The following ARFGEF3 variants were observed in gnomAD, a reference collection of about 807,000 sequenced individuals.
ARFGEF3 encodes brefeldin A-inhibited guanine nucleotide-exchange protein 3.
In ARFGEF3, 96 loss-of-function variants were observed where a neutral mutation model predicts 221.7. The ratio of observed to expected loss-of-function variants is 0.43; its 90% CI spans 0.37 to 0.51. The LOEUF is 0.51. Ranked by LOEUF, ARFGEF3 falls within the 20% of genes least tolerant of loss-of-function variation. The probability of loss-of-function intolerance (pLI) is 0.00; values close to 1 mark genes in which losing one functional copy is unlikely to be tolerated. For synonymous variants in ARFGEF3, 1,145 were observed against 1,126.8 expected (o/e 1.02, Z -0.32); for missense variants, 2,410 against 2,789.9 (o/e 0.86, Z 3.07).
At chr6:138,184,624 G>A (rs902087508) in intron 2 of ARFGEF3, among the ~76,000 whole-genome samples, 2 of 152,212 alleles carry the variant, frequency 1.3e-5, no homozygotes, top group African/African-American at 4.8e-5. Flanking sequence ...AAATCTGCCT[G>A]AGCAGGCAAG....
In ARFGEF3 at chr6:138,308,830, C is replaced by G. The variant is rs768705442; in HGVS notation, c.4065C>G (p.Ile1355Met). ...QVFANAATSY[I>M]MCLMKFVKGL... ...TTGCTAATGCAGCCACTAGCTACAT[C>G]ATGTGCCTTATGAAGTTTGTCAAAG... The change falls in exon 24 of 34, where the codon ATC (isoleucine) becomes ATG (methionine). Residue 1355 changes from isoleucine to methionine, a missense_variant. This residue lies in a region of ARFGEF3 where 723 missense variants were observed against 991.9 expected (regional missense o/e 0.73). Transcript: ENST00000251691. 4 of 1,614,062 alleles carry G rather than the reference C, an allele frequency of 2.5e-6. No homozygotes were observed. The highest frequency in any genetic ancestry group is 3.4e-6 in the Non-Finnish European group (4 of 1,179,898).
At chr6:138,276,053 G>A (rs1481592229) in intron 12 of ARFGEF3, among the ~76,000 whole-genome samples, 1 of 152,184 alleles carries the variant, frequency 6.6e-6, no homozygotes, top group Non-Finnish European at 1.5e-5. Flanking sequence ...GTATTTGCAG[G>A]AACAAATGGC....
At chr6:138,323,399 G>T (rs1412932961) in intron 29 of ARFGEF3, among the ~76,000 whole-genome samples, 2 of 152,064 alleles carry the variant, frequency 1.3e-5, no homozygotes, top group South Asian at 4.1e-4. Flanking sequence ...ATCACCTGAG[G>T]ATGGGAGTTC....
intron 7 of ARFGEF3, among the ~76,000 whole-genome samples, chr6:138,244,766 C>T (rs1255979196): frequency 1.3e-5 from 2 of 152,176 alleles, no homozygotes; most frequent in East Asian, 1.9e-4. Flanking sequence ...CCCATCTTTT[C>T]CCATGCTACC....
At chr6:138,231,469 T>G (rs535723835) in intron 5 of ARFGEF3, among the ~76,000 whole-genome samples, 1 of 152,300 alleles carries the variant, frequency 6.6e-6, no homozygotes, top group Non-Finnish European at 1.5e-5. Flanking sequence ...TGTCCCAGCC[T>G]CATGTTTGCT....
chr6:138,336,281 A>ATCTT lies in ARFGEF3; in HGVS notation c.6343-12_6343-9dup, dbSNP rs533508296. On this transcript the variant is annotated splice_polypyrimidine_tract_variant and intron_variant, in intron 33 of 33. Coordinates refer to ENST00000251691, the MANE Select transcript of ARFGEF3 (RefSeq NM_020340.5). Reference sequence around the variant, plus strand: ...GGGGGAAAGCCACTGATTTTCTTAAATCTTTTCTCTTAGGCATGGACCAAC... The same window carrying ATCTT: ...GGGGGAAAGCCACTGATTTTCTTAAATCTTTCTTTTCTCTTAGGCATGGACCAAC... 4.7e-6 allele frequency: 7 copies of ATCTT among 1,494,568 alleles called. No homozygotes were observed. In the South Asian group the frequency reaches 8.2e-5, roughly 17 times the overall value. The allele number at this position is 1,494,568 out of a possible 1,614,324, so 92.6% of individuals were successfully genotyped here.
At chr6:138,266,988 CG>C (rs1778907994) in intron 12 of ARFGEF3, among the ~76,000 whole-genome samples, 1 of 152,082 alleles carries the variant, frequency 6.6e-6, no homozygotes, top group Non-Finnish European at 1.5e-5. Context: ...CATATGGAGA[CG>C]TTTGGCAGCC....
chr6:138,262,726 T>C lies in ARFGEF3; in HGVS notation c.1243T>C (p.Cys415Arg), dbSNP rs1301163382. 1.2e-6 allele frequency: 2 copies of C among 1,605,790 alleles called. No individual in the cohort carries two copies. Among genetic ancestry groups the C allele is most frequent in the Non-Finnish European group, 1.7e-6 (2 of 1,173,190 alleles). ...CATCATGGATGGCATGACCGAAGCA[T>C]GCATCAAGGGTGGCATCGAAGCTTG... is the stretch of plus-strand genomic sequence containing the variant. The part of the protein sequence containing the change: ...KLIMDGMTEA[C>R]IKGGIEACYA... Residue 415 changes from cysteine (C) to arginine (R), a missense_variant, in exon 12 of 34, where the codon TGC (cysteine) becomes CGC (arginine). Transcript: ENST00000251691.
At chr6:138,270,138 T>C (rs1292987551) in intron 12 of ARFGEF3, among the ~76,000 whole-genome samples, 2 of 152,100 alleles carry the variant, frequency 1.3e-5, no homozygotes, top group Non-Finnish European at 2.9e-5. Context: ...AACCTCAAGT[T>C]CACTGACCCC....
At chr6:138,327,267 AAAAG>A (rs1260757895) in intron 31 of ARFGEF3, among the ~76,000 whole-genome samples, 3 of 152,108 alleles carry the variant, frequency 2.0e-5, no homozygotes, top group African/African-American at 4.8e-5. Context: ...TAAAACTTGA[AAAAG>A]AAAGGAAAAA....
At chr6:138,328,164 C>T in intron 32 of ARFGEF3, 22 bp downstream of exon 32, 1 of 1,573,444 alleles carries the variant, frequency 6.4e-7, no homozygotes, top group Non-Finnish European at 8.6e-7. Flanking sequence ...AATCTCAACT[C>T]ATAGGGTGCT....
intron 10 of ARFGEF3, 66 bp from the exon 11 acceptor site, chr6:138,261,461 A>AT: frequency 1.0e-6 from 1 of 961,986 alleles, no homozygotes. Context: ...TGATCTCACA[A>AT]TTTAAAAACC....
chr6:138,317,933 G>A (rs537220766), intron 27 of ARFGEF3, among the ~76,000 whole-genome samples: 6 of 152,208 alleles, frequency 3.9e-5, no homozygotes, highest in African/African-American at 1.4e-4. Context: ...ATGACTTTTA[G>A]GAATTTATTT....
At chr6:138,299,220 A>C (rs1779583644) in intron 22 of ARFGEF3, among the ~76,000 whole-genome samples, 1 of 150,986 alleles carries the variant, frequency 6.6e-6, no homozygotes, top group Non-Finnish European at 1.5e-5. Context: ...AAAAAAAAAA[A>C]AAAACAGAAA....
intron 2 of ARFGEF3, among the ~76,000 whole-genome samples, chr6:138,192,667 A>G (rs904633537): frequency 1.3e-5 from 2 of 152,138 alleles, no homozygotes; most frequent in African/African-American, 4.8e-5. Flanking sequence ...TGTTGCTGAG[A>G]CCCCTTGCAG....
intron 4 of ARFGEF3, among the ~76,000 whole-genome samples, chr6:138,215,481 T>C (rs1172613473): frequency 6.6e-6 from 1 of 152,180 alleles, no homozygotes; most frequent in Non-Finnish European, 1.5e-5. Flanking sequence ...CAGGGGCTTA[T>C]CATTTAACAT....
chr6:138,208,379 G>GA (rs148640812), intron 3 of ARFGEF3, among the ~76,000 whole-genome samples: 16,525 of 149,326 alleles, frequency 0.11, 1,207 homozygotes, highest in East Asian at 0.35. Flanking sequence ...ACATGATTCT[G>GA]AAAAAAAAAA....
chr6:138,303,419 C>T (rs559374519), intron 22 of ARFGEF3, among the ~76,000 whole-genome samples: 2 of 152,220 alleles, frequency 1.3e-5, no homozygotes, highest in South Asian at 4.1e-4. Context: ...TAAATATGCA[C>T]TAATGAAAGG....
chr6:138,286,697 C>T lies in ARFGEF3; in HGVS notation c.2570-4C>T, dbSNP rs374767445. The T allele has an allele frequency of 3.1e-5, 50 of 1,613,544 alleles. No individual in the cohort carries two copies. The highest frequency in any genetic ancestry group is 4.1e-5 in the Non-Finnish European group (48 of 1,179,650). ...AAAATGACACACACCCCTCCATGTT[C>T]CAGGCGTGGCATTTGCTCGCTATAT... On this transcript the variant is annotated splice_region_variant and splice_polypyrimidine_tract_variant and intron_variant, in intron 15 of 33. Coordinates refer to ENST00000251691, the MANE Select transcript of ARFGEF3 (RefSeq NM_020340.5).
Sources: allele counts gnomAD v4.1 joint callset (sites outside exome capture counted in the v4.1 genomes callset), GRCh38; gene constraint gnomAD v4.1.1; regional missense constraint gnomAD v4.1.1; transcripts MANE v1.5; gene names NCBI Gene and HGNC (gene_info 2026-07-23, HGNC 2026-07-21).